RIMBP2: variants seen among roughly 807,000 people sequenced by gnomAD.
RIMBP2 encodes RIMS binding protein 2.
A neutral mutation model predicts 118.6 loss-of-function variants in RIMBP2; 48 were observed. The observed-to-expected ratio is 0.40, with a 90% CI of 0.32 to 0.51. RIMBP2 has a LOEUF of 0.51. Among genes scored for constraint, RIMBP2 ranks in the 20% least tolerant of loss-of-function variants. The pLI is 0.41. For synonymous variants in RIMBP2, 762 were observed against 742.9 expected (o/e 1.03, Z -0.42); for missense variants, 1,551 against 1,768.3 (o/e 0.88, Z 2.20).
At chr12:130,542,764 T>A (rs2054729968) in intron 2 of RIMBP2, among the ~76,000 whole-genome samples, 1 of 152,200 alleles carries the variant, frequency 6.6e-6, no homozygotes, top group African/African-American at 2.4e-5. Flanking sequence ...TCCGGGAAAA[T>A]GAATTCCATT....
Position 130,447,101 on chromosome 12 carries a change from G to A in RIMBP2, c.582-1832C>T, listed in dbSNP as rs1280492628. On this transcript the variant is annotated intron_variant, in intron 9 of 22. Coordinates refer to ENST00000690449, the MANE Select transcript of RIMBP2 (RefSeq NM_001393629.1). This position sits in a 1 kb window ranked among gnomAD's most constrained non-coding sequence, Gnocchi z 4.4. Reference sequence around the variant, plus strand: ...GAGGAGGAGGAGGAGGAGGGAGCGAGAGGAACAGGAGCCCCCAGGCCACGC... The same window carrying A: ...GAGGAGGAGGAGGAGGAGGGAGCGAAAGGAACAGGAGCCCCCAGGCCACGC... Among the ~76,000 whole-genome samples, 4 of 151,668 alleles carry A rather than the reference G, an allele frequency of 2.6e-5. No homozygotes were observed. Among genetic ancestry groups the A allele is most frequent in the African/African-American group, 9.7e-5 (4 of 41,196 alleles).
intron 4 of RIMBP2, among the ~76,000 whole-genome samples, chr12:130,497,734 G>A (rs943896813): frequency 2.0e-5 from 3 of 152,220 alleles, no homozygotes; most frequent in African/African-American, 7.2e-5. Flanking sequence ...AATCTGAGAA[G>A]CTGGAGAATA....
At chr12:130,550,702 A>G (rs2055682914) in intron 2 of RIMBP2, among the ~76,000 whole-genome samples, 2 of 152,266 alleles carry the variant, frequency 1.3e-5, no homozygotes, top group South Asian at 2.1e-4. Flanking sequence ...CTGCCAATTC[A>G]TCCATGATTT....
intron 2 of RIMBP2, among the ~76,000 whole-genome samples, chr12:130,596,132 C>T (rs145375598): frequency 3.1e-4 from 47 of 152,208 alleles, no homozygotes; most frequent in Non-Finnish European, 6.2e-4. Flanking sequence ...CCACTCACCC[C>T]GAATGTGCGC....
Position 130,617,222 on chromosome 12 carries a change from C to G in RIMBP2, c.-217+11100G>C, listed in dbSNP as rs2061001173. Among the ~76,000 whole-genome samples, 2 of 151,738 alleles carry G rather than the reference C, an allele frequency of 1.3e-5. No homozygotes were observed. The highest frequency in any genetic ancestry group is 4.8e-5 in the African/African-American group (2 of 41,302). On this transcript the variant is annotated intron_variant, in intron 2 of 22. Transcript: ENST00000690449. This position sits in a 1 kb window ranked among gnomAD's most constrained non-coding sequence, Gnocchi z 4.6. ...AGTGCTGCCACCTCCATCCAGCACA[C>G]AAGGGATGCAAGGCTTAGGGAACTA...
In RIMBP2 at chr12:130,646,440, T is replaced by TCATCACC. The variant is rs1305504375; in HGVS notation, c.-351-17985_-351-17984insGGTGATG. ...CTCACCACTTCCCTCTCCACCTCCC[T>TCATCACC]TGCCACCTCCCTCGCCACCTCCCTC... On this transcript the variant is annotated intron_variant, in intron 1 of 22. Coordinates refer to ENST00000690449, the MANE Select transcript of RIMBP2 (RefSeq NM_001393629.1). Among the ~76,000 whole-genome samples, 10 of 111,188 alleles carry TCATCACC rather than the reference T, an allele frequency of 9.0e-5. 5 individuals are homozygous for TCATCACC. In the East Asian group the frequency reaches 2.5e-3, roughly 28 times the overall value. The allele number at this position is 111,188 out of a possible 152,430, so 72.9% of individuals were successfully genotyped here. A position where few individuals can be genotyped will look rare whatever the true frequency, so the allele number is the denominator to read the frequency against.
rs1011297280 is a variant in RIMBP2 at position 130,511,838 on chromosome 12, C to T, written c.-126-5068G>A. ...ACCTGTCTCGGTGTCAAGGAAGCCA[C>T]CCTCCACACACGTCTCTGCTGGACA... On this transcript the variant is annotated intron_variant, in intron 3 of 22. Coordinates refer to ENST00000690449, the MANE Select transcript of RIMBP2 (RefSeq NM_001393629.1). The surrounding 1 kb of genome is among the most constrained non-coding windows in gnomAD (Gnocchi z 4.3). Among the ~76,000 whole-genome samples the T allele has an allele frequency of 1.3e-5, 2 of 152,040 alleles. No individual in the cohort carries two copies. Among genetic ancestry groups the T allele is most frequent in the African/African-American group, 4.8e-5 (2 of 41,420 alleles).
chr12:130,410,899 C>T (rs1432065505), intron 19 of RIMBP2, among the ~76,000 whole-genome samples: 2 of 152,180 alleles, frequency 1.3e-5, no homozygotes, highest in African/African-American at 4.8e-5. Flanking sequence ...ACATAAATCC[C>T]AGCACAGATT....
intron 4 of RIMBP2, among the ~76,000 whole-genome samples, chr12:130,502,971 C>T (rs28547145): frequency 0.36 from 54,353 of 151,928 alleles, 10,438 homozygotes; most frequent in East Asian, 0.53. Flanking sequence ...GACTTGCAGG[C>T]GGAGTCTAGT....
intron 1 of RIMBP2, among the ~76,000 whole-genome samples, chr12:130,629,922 T>G (rs1161062088): frequency 8.8e-6 from 1 of 113,946 alleles, no homozygotes; most frequent in Non-Finnish European, 1.8e-5. Context: ...TAAAAGAACA[T>G]AATGATAAAA....
chr12:130,590,158 TAG>T (rs1179255360), intron 2 of RIMBP2, among the ~76,000 whole-genome samples: 2 of 152,148 alleles, frequency 1.3e-5, no homozygotes, highest in African/African-American at 4.8e-5. Flanking sequence ...AAGGCAAGTT[TAG>T]AGTCAAATAA....
rs190803673 is a variant in RIMBP2 at position 130,402,582 on chromosome 12, C to T, written c.3766-2769G>A. ...AAAAAAATTTCACCTTGACCTTTCCCTCCTCAGTCCCTCCATAATTTGATC... is the reference window on the plus strand; with the variant it reads ...AAAAAAATTTCACCTTGACCTTTCCTTCCTCAGTCCCTCCATAATTTGATC... On this transcript the variant is annotated intron_variant, in intron 21 of 22. Transcript: ENST00000690449. Among the ~76,000 whole-genome samples, 6 of 152,276 alleles carry T rather than the reference C, an allele frequency of 3.9e-5. 1 individual carries two copies. In the East Asian group the frequency reaches 9.7e-4, roughly 25 times the overall value.
chr12:130,612,278 G>A (rs896474955), intron 2 of RIMBP2, among the ~76,000 whole-genome samples: 5 of 152,218 alleles, frequency 3.3e-5, no homozygotes, highest in African/African-American at 1.2e-4. Flanking sequence ...TCTGAGGGCT[G>A]AGTGCGGCCC....
intron 1 of RIMBP2, among the ~76,000 whole-genome samples, chr12:130,646,764 G>C (rs938434969): frequency 6.6e-6 from 1 of 152,262 alleles, no homozygotes; most frequent in Non-Finnish European, 1.5e-5. Flanking sequence ...GCCTCCAGGG[G>C]CGAATGATTT....
At chr12:130,625,005 G>T (rs2061539028) in intron 2 of RIMBP2, among the ~76,000 whole-genome samples, 1 of 152,346 alleles carries the variant, frequency 6.6e-6, no homozygotes, top group South Asian at 2.1e-4. Flanking sequence ...TTACAGGCAT[G>T]AGCCACCACG....
chr12:130,405,526 G>A (rs2075082182), intron 21 of RIMBP2, among the ~76,000 whole-genome samples: 1 of 152,194 alleles, frequency 6.6e-6, no homozygotes, highest in East Asian at 1.9e-4. Context: ...GCAGCTACTT[G>A]TAAAGATGCC....
At chr12:130,411,640 C>T (rs1188771933) in intron 19 of RIMBP2, among the ~76,000 whole-genome samples, 2 of 152,140 alleles carry the variant, frequency 1.3e-5, no homozygotes, top group Admixed American at 6.5e-5. Context: ...TGTACAGGGC[C>T]TGTGCTCTCT....
At chr12:130,500,838 A>G (rs2049693609) in intron 4 of RIMBP2, among the ~76,000 whole-genome samples, 1 of 152,048 alleles carries the variant, frequency 6.6e-6, no homozygotes, top group Non-Finnish European at 1.5e-5. Context: ...TTGGGAACAA[A>G]GGCCGTGGTG....
At position 130,703,618 on chromosome 12, in the gene RIMBP2, G is replaced by A. The variant is rs1204651656; in HGVS notation, c.-352+12604C>T. On this transcript the variant is annotated intron_variant, in intron 1 of 22. Coordinates refer to ENST00000690449, the MANE Select transcript of RIMBP2 (RefSeq NM_001393629.1). The surrounding 1 kb of genome is among the most constrained non-coding windows in gnomAD (Gnocchi z 5.7). ...CGGATCCGGGCGCTTTAGCCCTCAC[G>A]TGACTAGGGGCCACCGCCTAACCCT... Among the ~76,000 whole-genome samples the A allele has an allele frequency of 6.6e-6, 1 of 152,140 alleles. No homozygotes were observed. The highest frequency in any genetic ancestry group is 2.4e-5 in the African/African-American group (1 of 41,420).
Sources: gnomAD v4.1 joint callset for allele counts (sites outside exome capture counted in the v4.1 genomes callset) on GRCh38, gnomAD v4.1.1 for gene constraint, Gnocchi (gnomAD v3.1) non-coding constraint, MANE v1.5 for transcripts, NCBI Gene and HGNC (gene_info 2026-07-23, HGNC 2026-07-21) for gene names.